The following APBA2 variants were observed in gnomAD, a reference collection of about 807,000 sequenced individuals.
APBA2 encodes amyloid-beta A4 precursor protein-binding family A member 2.
In APBA2, 30 loss-of-function variants were observed where a neutral mutation model predicts 75.0. The observed-to-expected ratio is 0.40, with a 90% CI of 0.30 to 0.54. The LOEUF (loss-of-function observed/expected upper bound fraction) is 0.54, where lower values mean the gene tolerates loss of function less well. Among genes scored for constraint, APBA2 ranks in the 20% least tolerant of loss-of-function variants. The probability of loss-of-function intolerance (pLI) is 0.49; values close to 1 mark genes in which losing one functional copy is unlikely to be tolerated. For missense variants in APBA2, 801 were observed against 1,016.1 expected (o/e 0.79, Z 2.88); for synonymous variants, 444 against 409.6 (o/e 1.08, Z -1.01).
intron 2 of APBA2, among the ~76,000 whole-genome samples, chr15:28,972,314 C>T (rs1290966369): frequency 1.3e-5 from 2 of 152,160 alleles, no homozygotes; most frequent in East Asian, 3.9e-4. Context: ...GTCAAGAAAA[C>T]TTTCCTAAAA....
chr15:28,924,579 C>T (rs2034155133), intron 2 of APBA2, among the ~76,000 whole-genome samples: 1 of 152,188 alleles, frequency 6.6e-6, no homozygotes, highest in Admixed American at 6.5e-5. Context: ...ACCCATGTTG[C>T]AACATGTGTC....
At chr15:28,897,955 G>T (rs984730893) in intron 1 of APBA2, among the ~76,000 whole-genome samples, 1 of 152,136 alleles carries the variant, frequency 6.6e-6, no homozygotes, top group African/African-American at 2.4e-5. Context: ...GAATTATCTG[G>T]GTGGGCCCTA....
At chr15:28,979,612 G>A (rs1566867336) in intron 2 of APBA2, among the ~76,000 whole-genome samples, 1 of 152,166 alleles carries the variant, frequency 6.6e-6, no homozygotes, top group Non-Finnish European at 1.5e-5. Context: ...TATGTCCAGC[G>A]CAGGTCCTCC....
In APBA2 at chr15:29,006,546, G is replaced by T. The variant is rs569431002; in HGVS notation, c.-41+10740G>T. On this transcript the variant is annotated intron_variant, in intron 3 of 14. Coordinates refer to ENST00000683413, the MANE Select transcript of APBA2 (RefSeq NM_001353788.2). Reference sequence around the variant, plus strand: ...GACTGGGTAATTTACAAAGGAAAGAGGTTTAATGGACTCACAGTTCCACAT... The same window carrying T: ...GACTGGGTAATTTACAAAGGAAAGATGTTTAATGGACTCACAGTTCCACAT... Among the ~76,000 whole-genome samples the T allele has an allele frequency of 1.5e-3, 232 of 152,290 alleles. 2 individuals are homozygous for T. Among genetic ancestry groups the T allele is most frequent in the Middle Eastern group, 6.8e-3 (2 of 294 alleles).
chr15:29,108,456 C>T lies in APBA2; in HGVS notation c.2037+67C>T, dbSNP rs752800811. The T allele has an allele frequency of 2.5e-5, 41 of 1,611,236 alleles. 1 individual carries two copies. The South Asian group carries it at 3.1e-4, about 12-fold the overall frequency. Reference sequence around the variant, plus strand: ...GGGCCCAGGGAGGGGGAGCAGCTCCCGTCCAATGGGGCAGGCTATGTCTGG... The same window carrying T: ...GGGCCCAGGGAGGGGGAGCAGCTCCTGTCCAATGGGGCAGGCTATGTCTGG... On this transcript the variant is annotated intron_variant, in intron 13 of 14. Coordinates refer to ENST00000683413, the MANE Select transcript of APBA2 (RefSeq NM_001353788.2).
At chr15:29,002,832 C>T (rs1291243876) in intron 3 of APBA2, among the ~76,000 whole-genome samples, 2 of 151,962 alleles carry the variant, frequency 1.3e-5, no homozygotes, top group South Asian at 2.1e-4. Context: ...TCAAGGGAGA[C>T]GAAGAGTGCA....
chr15:28,912,545 G>C (rs2033480108), intron 1 of APBA2, among the ~76,000 whole-genome samples: 1 of 152,236 alleles, frequency 6.6e-6, no homozygotes, highest in Non-Finnish European at 1.5e-5. Context: ...GGGTGAGCGC[G>C]GTTCAGGCTG....
At position 29,106,657 on chromosome 15, in the gene APBA2, G is replaced by A; in HGVS notation, c.1755G>A (p.Glu585=). 2 of 1,613,134 alleles carry A rather than the reference G, an allele frequency of 1.2e-6. No individual in the cohort carries two copies. The highest frequency in any genetic ancestry group is 2.2e-5 in the South Asian group (2 of 91,084). ...KGEILGVVVV[E]SGWGSILPTV... is the part of the protein sequence containing the mutation. ...AGATCCTGGGCGTGGTGGTGGTGGA[G>A]TCGGGCTGGGGCTCCATCCTGCCCA... Residue 585 remains glutamate, a synonymous_variant, in exon 12 of 15, where the codon GAG becomes GAA. Coordinates refer to ENST00000683413, the MANE Select transcript of APBA2 (RefSeq NM_001353788.2).
At position 29,054,820 on chromosome 15, in the gene APBA2, G is replaced by T; in HGVS notation, c.936G>T (p.Lys312Asn). 6.3e-7 allele frequency: 1 copy of T among 1,599,428 alleles called. No homozygotes were observed. Among genetic ancestry groups the T allele is most frequent in the Non-Finnish European group, 8.5e-7 (1 of 1,179,660 alleles). Residue 312 changes from lysine to asparagine, a missense_variant, in exon 4 of 15, where the codon AAG becomes AAT. Around this residue, in one of 2 missense-constraint regions of APBA2, gnomAD observed 434 missense variants for 471.6 expected, o/e 0.92. Coordinates refer to ENST00000683413, the MANE Select transcript of APBA2 (RefSeq NM_001353788.2). This position sits in a 1 kb window ranked among gnomAD's most constrained non-coding sequence, Gnocchi z 6.1. ...PKTRTPEERL[K>N]WPHEQVCNGL... The stretch of plus-strand genomic sequence containing the variant: ...CCAGGACCCCAGAAGAGAGGCTGAA[G>T]TGGCCCCACGAGCAGGTAGGACCCT...
chr15:29,058,876 T>A (rs1296704356), intron 4 of APBA2, among the ~76,000 whole-genome samples: 1 of 152,274 alleles, frequency 6.6e-6, no homozygotes, highest in Non-Finnish European at 1.5e-5. Context: ...AATTCCACTG[T>A]AGAGTTTTCA....
intron 8 of APBA2, among the ~76,000 whole-genome samples, chr15:29,095,407 G>A (rs1007796377): frequency 6.8e-6 from 1 of 148,110 alleles, no homozygotes; most frequent in African/African-American, 2.4e-5. Flanking sequence ...TCCAGCCTGG[G>A]CAACACGAGC....
At chr15:29,113,595 C>T (rs1281720604) in intron 13 of APBA2, among the ~76,000 whole-genome samples, 3 of 152,162 alleles carry the variant, frequency 2.0e-5, no homozygotes, top group Non-Finnish European at 2.9e-5. Flanking sequence ...TCTAGCCTGA[C>T]CACAAAGGGA....
intron 2 of APBA2, among the ~76,000 whole-genome samples, chr15:28,922,990 C>A (rs2034057308): frequency 1.3e-5 from 2 of 152,222 alleles, no homozygotes; most frequent in African/African-American, 4.8e-5. Context: ...AGTCACCACA[C>A]CACGCCCTGT....
rs58433696 is a variant in APBA2, at chr15:29,020,633, C to T, written c.-41+24827C>T. Reference sequence around the variant, plus strand: ...CCAGCCTGACCAACATGGTGAAACCCGGTCTCTACTAAAAATACAAAAAAA... The same window carrying T: ...CCAGCCTGACCAACATGGTGAAACCTGGTCTCTACTAAAAATACAAAAAAA... On this transcript the variant is annotated intron_variant, in intron 3 of 14. Coordinates refer to ENST00000683413, the MANE Select transcript of APBA2 (RefSeq NM_001353788.2). 2.3e-3 allele frequency among the ~76,000 whole-genome samples: 331 copies of T among 145,464 alleles called. 2 individuals are homozygous for T. Among genetic ancestry groups the T allele is most frequent in the African/African-American group, 8.7e-3 (316 of 36,248 alleles).
At chr15:29,019,109 A>AG (rs1449806107) in intron 3 of APBA2, among the ~76,000 whole-genome samples, 1 of 152,182 alleles carries the variant, frequency 6.6e-6, no homozygotes, top group East Asian at 1.9e-4. Flanking sequence ...AAGGGAAAAA[A>AG]GTAAGCAGAG....
At chr15:28,936,250 G>GAT (rs1383682123) in intron 2 of APBA2, among the ~76,000 whole-genome samples, 1 of 152,200 alleles carries the variant, frequency 6.6e-6, no homozygotes, top group Non-Finnish European at 1.5e-5. Flanking sequence ...TCTTGAGTGA[G>GAT]ATGTTCTAAA....
chr15:28,965,164 A>G (rs868330000), intron 2 of APBA2, among the ~76,000 whole-genome samples: 25 of 151,890 alleles, frequency 1.6e-4, no homozygotes, highest in African/African-American at 5.3e-4. Context: ...AATTTATGTC[A>G]AATTTCTTTT....
At chr15:29,104,633 A>G (rs1479176214) in intron 10 of APBA2, among the ~76,000 whole-genome samples, 1 of 152,256 alleles carries the variant, frequency 6.6e-6, no homozygotes, top group Non-Finnish European at 1.5e-5. Context: ...TGGCACAGCC[A>G]CACATCCCTA....
chr15:28,938,223 A>G (rs1367130575), intron 2 of APBA2, among the ~76,000 whole-genome samples: 1 of 152,232 alleles, frequency 6.6e-6, no homozygotes, highest in Non-Finnish European at 1.5e-5. Flanking sequence ...ACCAAAACAC[A>G]TAGCTAACAA....
Sources: gnomAD v4.1 joint callset for allele counts (sites outside exome capture counted in the v4.1 genomes callset) on GRCh38, gnomAD v4.1.1 for gene constraint, gnomAD v4.1.1 regional missense constraint, Gnocchi (gnomAD v3.1) non-coding constraint, MANE v1.5 for transcripts, NCBI Gene and HGNC (gene_info 2026-07-23, HGNC 2026-07-21) for gene names.